Variants in DMD observed in about 807,000 individuals in gnomAD.
DMD encodes dystrophin, also known as mutant dystrophin.
Under a neutral mutation model 330.1 loss-of-function variants are expected in DMD, and 63 were observed. The observed-to-expected ratio is 0.19, with a 90% CI of 0.16 to 0.24. The LOEUF is 0.24. Among genes scored for constraint, DMD ranks in the 10% least tolerant of loss-of-function variants. The pLI is 1.00. For missense variants in DMD, 3,344 were observed against 2,684.1 expected, an observed-to-expected ratio of 1.25 and a Z score of -5.43; for synonymous variants, 1,223 against 959.8, an observed-to-expected ratio of 1.27 and a Z score of -5.07.
At chrX:32,801,249 TTTGA>T (rs918147788) in intron 7 of DMD, among the ~76,000 whole-genome samples, 1 of 111,992 alleles carries the variant, frequency 8.9e-6, no homozygotes, top group African/African-American at 3.3e-5. Context: ...TCATTGTGGT[TTTGA>T]TTTTCATTTC....
At chrX:32,439,344 T>C (rs2098272712) in intron 28 of DMD, among the ~76,000 whole-genome samples, 1 of 111,181 alleles carries the variant, frequency 9.0e-6, no homozygotes, top group African/African-American at 3.3e-5. Context: ...CCTAAATACA[T>C]TTATATTAAA....
At chrX:32,989,518 T>C (rs931988844) in intron 2 of DMD, among the ~76,000 whole-genome samples, 4 of 111,850 alleles carry the variant, frequency 3.6e-5, no homozygotes, top group Non-Finnish European at 3.8e-5. Flanking sequence ...GCAGTTAAAT[T>C]CCAATCTAAG....
Position 33,270,589 on chromosome X carries a change from C to T in DMD, c.7+68670G>A, listed in dbSNP as rs777547936. ...GACAGTGGTGAGTTTTAGTAGGGAA[C>T]GCCTCAGCTTAGACACTTGAGAAGA... On this transcript the variant is annotated intron_variant, in intron 1 of 17. Transcript: ENST00000288447. Among the ~76,000 whole-genome samples, 94 of 111,870 alleles carry T rather than the reference C, an allele frequency of 8.4e-4. 1 individual carries two copies. Among genetic ancestry groups the T allele is most frequent in the African/African-American group, 2.8e-3 (87 of 30,804 alleles).
intron 1 of DMD, among the ~76,000 whole-genome samples, chrX:33,205,446 G>A (rs2051509986): frequency 8.9e-6 from 1 of 112,130 alleles, no homozygotes; most frequent in African/African-American, 3.2e-5. Flanking sequence ...ACTTGTAACA[G>A]TGTACTGACT....
intron 74 of DMD, among the ~76,000 whole-genome samples, chrX:31,149,431 C>G (rs762409908): frequency 2.7e-5 from 3 of 111,915 alleles, no homozygotes; most frequent in Admixed American, 9.5e-5. Context: ...TATTCTGACC[C>G]CTTTGATCTT....
rs376160705 is a variant in DMD at position 31,156,426 on chromosome X, G to A, written c.10554-8908C>T. Reference sequence around the variant, plus strand: ...CCCATCAGGGGAAAGGTTGAACAATGCCACTTTTTGACACGCTGCCTTTGT... The same window carrying A: ...CCCATCAGGGGAAAGGTTGAACAATACCACTTTTTGACACGCTGCCTTTGT... On this transcript the variant is annotated intron_variant, in intron 74 of 78. Coordinates refer to ENST00000357033, the MANE Select transcript of DMD (RefSeq NM_004006.3). Among the ~76,000 whole-genome samples the A allele has an allele frequency of 3.6e-5, 4 of 112,380 alleles. No homozygotes were observed. In the South Asian group the frequency reaches 1.5e-3, roughly 42 times the overall value.
intron 1 of DMD, among the ~76,000 whole-genome samples, chrX:33,176,102 A>G (rs2049634755): frequency 9.0e-6 from 1 of 111,235 alleles, no homozygotes. Flanking sequence ...TCTGAGGAGG[A>G]ACAAAGGGTA....
upstream of DMD, among the ~76,000 whole-genome samples, chrX:33,213,676 A>C (rs963028996): frequency 8.9e-6 from 1 of 111,954 alleles, no homozygotes; most frequent in Admixed American, 9.6e-5. Flanking sequence ...ATAGATTCAC[A>C]GGAATTTGCG....
In DMD at chrX:31,997,277, C is replaced by G. The variant is rs1483507854; in HGVS notation, c.6439-28763G>C. On this transcript the variant is annotated intron_variant, in intron 44 of 78. Transcript: ENST00000357033. ...AATCAGGATAGGTGATTGCTAGGTT[C>G]TGCATAATATGAGGTTTACCTTAAG... Among the ~76,000 whole-genome samples, 3 of 111,304 alleles carry G rather than the reference C, an allele frequency of 2.7e-5. No individual in the cohort carries two copies. In the East Asian group the frequency reaches 8.5e-4, roughly 32 times the overall value.
chrX:32,579,710 T>A (rs2053447954), intron 13 of DMD, among the ~76,000 whole-genome samples: 1 of 113,084 alleles, frequency 8.8e-6, no homozygotes, highest in Non-Finnish European at 1.9e-5. Flanking sequence ...TGTAACTCTG[T>A]ATTTGTTTAA....
intron 1 of DMD, among the ~76,000 whole-genome samples, chrX:33,334,173 A>C (rs888038391): frequency 2.2e-4 from 25 of 111,835 alleles, no homozygotes; most frequent in African/African-American, 7.8e-4. Context: ...AGAGACTTCA[A>C]TTTTTTATGG....
chrX:31,426,214 T>C (rs963743364), intron 60 of DMD, among the ~76,000 whole-genome samples: 1 of 112,069 alleles, frequency 8.9e-6, no homozygotes, highest in Non-Finnish European at 1.9e-5. Context: ...AAAAAAAATA[T>C]ATTCCCAAGT....
At chrX:31,203,598 T>C (rs1231805287) in intron 67 of DMD, among the ~76,000 whole-genome samples, 2 of 112,217 alleles carry the variant, frequency 1.8e-5, no homozygotes, top group Non-Finnish European at 3.8e-5. Context: ...GCTATAATGA[T>C]AGAATTAGAG....
intron 63 of DMD, among the ~76,000 whole-genome samples, chrX:31,230,419 C>T (rs993713611): frequency 2.7e-5 from 3 of 110,927 alleles, no homozygotes; most frequent in South Asian, 3.8e-4. Context: ...GAGGTCGAGG[C>T]GGGCGGATCA....
intron 2 of DMD, among the ~76,000 whole-genome samples, chrX:32,930,984 CATTT>C (rs1178561613): frequency 1.9e-4 from 20 of 107,202 alleles, no homozygotes; most frequent in Non-Finnish European, 3.5e-4. Context: ...ATATATTATA[CATTT>C]ATTATATATA....
At chrX:33,074,252 C>A (rs765101230) in intron 1 of DMD, among the ~76,000 whole-genome samples, 1 of 111,738 alleles carries the variant, frequency 8.9e-6, no homozygotes, top group South Asian at 3.8e-4. Context: ...TTCTACATGT[C>A]ACTTTACTTT....
intron 62 of DMD, chrX:31,266,962 C>G (rs1284510656): frequency 7.5e-6 from 8 of 1,060,598 alleles, no homozygotes; most frequent in Non-Finnish European, 1.0e-5. Context: ...TGCGGAGGAG[C>G]CGGCGCGGGC....
At chrX:31,895,675 T>C (rs2094321812) in intron 47 of DMD, among the ~76,000 whole-genome samples, 1 of 111,616 alleles carries the variant, frequency 9.0e-6, no homozygotes. Context: ...CTTGAAACCA[T>C]TAAGAAGTCA....
At chrX:33,097,206 T>G (rs964584480) in intron 1 of DMD, among the ~76,000 whole-genome samples, 8 of 110,719 alleles carry the variant, frequency 7.2e-5, no homozygotes, top group Admixed American at 2.0e-4. Flanking sequence ...ATACTGTATT[T>G]TTTAAGAATC....
Sources: gnomAD v4.1 joint callset for allele counts (sites outside exome capture counted in the v4.1 genomes callset) on GRCh38, gnomAD v4.1.1 for gene constraint, MANE v1.5 for transcripts, NCBI Gene and HGNC (gene_info 2026-07-23, HGNC 2026-07-21) for gene names.